The following RBM15B variants were observed in gnomAD, a reference collection of about 807,000 sequenced individuals.
RBM15B encodes the protein putative RNA-binding protein 15B.
In RBM15B, 11 loss-of-function variants were observed where a neutral mutation model predicts 53.3. That is an observed-to-expected ratio of 0.21 (90% CI 0.13 to 0.34). The LOEUF (loss-of-function observed/expected upper bound fraction) is 0.34, where lower values mean the gene tolerates loss of function less well. Ranked by LOEUF, RBM15B falls within the 10% of genes least tolerant of loss-of-function variation. The pLI is 1.00. For synonymous variants in RBM15B, 631 were observed against 540.7 expected (o/e 1.17, Z -2.32); for missense variants, 1,136 against 1,250.3 (o/e 0.91, Z 1.38).
Position 51,394,110 on chromosome 3 carries a change from A to T in RBM15B, c.*38A>T, listed in dbSNP as rs1041935875. ...TTTCCCAGCGTCATGTTTGTGTCAC[A>T]AAAGCAGTTATTTTAAAATCTGATC... On this transcript the variant is annotated 3_prime_UTR_variant, in exon 1 of 1. Coordinates refer to ENST00000563281, the MANE Select transcript of RBM15B (RefSeq NM_013286.5). The T allele has an allele frequency of 7.2e-7, 1 of 1,383,916 alleles. No homozygotes were observed. Among genetic ancestry groups the T allele is most frequent in the African/African-American group, 1.5e-5 (1 of 67,934 alleles). The allele number at this position is 1,383,916 out of a possible 1,614,324, so 85.7% of individuals were successfully genotyped here. A position where few individuals can be genotyped will look rare whatever the true frequency, so the allele number is the denominator to read the frequency against.
Position 51,393,921 on chromosome 3 carries a change from T to TG in RBM15B, c.2529dup (p.Ser844ValfsTer121), listed in dbSNP as rs781825075. The TG allele has an allele frequency of 1.9e-5, 30 of 1,539,644 alleles. No individual in the cohort carries two copies. The highest frequency in any genetic ancestry group is 1.1e-5 in the Non-Finnish European group (13 of 1,144,636). ...GCCGCAGGGGTGATCAGCTTGCCAG[T>TG]GGGGGGGTCCAAGGGCAGAGACGGC... On this transcript the variant is annotated frameshift_variant, in exon 1 of 1. Coordinates refer to ENST00000563281, the MANE Select transcript of RBM15B (RefSeq NM_013286.5). LOFTEE classifies it high-confidence loss of function. The surrounding 1 kb of genome is among the most constrained non-coding windows in gnomAD (Gnocchi z 5.6).
rs782354810 is a variant in RBM15B, at chr3:51,392,747, G to A, written c.1348G>A (p.Val450Ile). The change falls in exon 1 of 1, where the codon GTC (valine) becomes ATC (isoleucine). Residue 450 changes from valine to isoleucine, a missense_variant. Physicochemically the swap from Val to Ile is conservative, Grantham distance 29. Transcript: ENST00000563281. The surrounding 1 kb of genome is among the most constrained non-coding windows in gnomAD (Gnocchi z 7.5). ...RFGSIRTIDHVKGDSFAYIQY... is the reference protein window; with the variant it reads ...RFGSIRTIDHIKGDSFAYIQY... ...TGGGAGCATTCGGACCATTGATCAC[G>A]TCAAAGGAGATAGCTTTGCCTATAT... 1.9e-6 allele frequency: 3 copies of A among 1,614,190 alleles called. No homozygotes were observed. The highest frequency in any genetic ancestry group is 2.2e-5 in the East Asian group (1 of 44,892).
In RBM15B at chr3:51,394,092, G is replaced by A; in HGVS notation, c.*20G>A. Reference sequence around the variant, plus strand: ...GCCTAGCCCAAGCCTGTCTTTCCCAGCGTCATGTTTGTGTCACAAAAGCAG... The same window carrying A: ...GCCTAGCCCAAGCCTGTCTTTCCCAACGTCATGTTTGTGTCACAAAAGCAG... On this transcript the variant is annotated 3_prime_UTR_variant, in exon 1 of 1. Transcript: ENST00000563281. The A allele has an allele frequency of 2.1e-6, 3 of 1,401,752 alleles. No individual in the cohort carries two copies. Among genetic ancestry groups the A allele is most frequent in the Non-Finnish European group, 1.9e-6 (2 of 1,072,816 alleles). The allele number at this position is 1,401,752 out of a possible 1,614,324, so 86.8% of individuals were successfully genotyped here.
chr3:51,396,191 C>T lies in RBM15B; in HGVS notation c.*2119C>T. ...CCCGGAAGAATCATCTACCTCCCAGCTTTGTGAGACAGAACCAAGTAAAAG... is the reference window on the plus strand; with the variant it reads ...CCCGGAAGAATCATCTACCTCCCAGTTTTGTGAGACAGAACCAAGTAAAAG... On this transcript the variant is annotated 3_prime_UTR_variant, in exon 1 of 1. Coordinates refer to ENST00000563281, the MANE Select transcript of RBM15B (RefSeq NM_013286.5). The T allele has an allele frequency of 1.1e-5, 4 of 361,622 alleles. No individual in the cohort carries two copies. Among genetic ancestry groups the T allele is most frequent in the Non-Finnish European group, 2.1e-5 (4 of 193,696 alleles). The allele number at this position is 361,622 out of a possible 1,614,324, so 22.4% of individuals were successfully genotyped here.
Position 51,392,218 on chromosome 3 carries a change from C to T in RBM15B, c.819C>T (p.Pro273=), listed in dbSNP as rs2089049689. The T allele has an allele frequency of 1.3e-6, 2 of 1,555,940 alleles. No homozygotes were observed. The highest frequency in any genetic ancestry group is 1.7e-6 in the Non-Finnish European group (2 of 1,155,434). ...CGCTGTCCCCCGTCGCTGCCCCGCC[C>T]CTGCGGGAGCCCCGTGCCCGTCACG... is the stretch of plus-strand genomic sequence containing the variant. ...QRSLSPVAAP[P]LREPRARHAA... Residue 273 remains proline (P), a synonymous_variant, in exon 1 of 1, where the codon CCC becomes CCT. Transcript: ENST00000563281. This position sits in a 1 kb window ranked among gnomAD's most constrained non-coding sequence, Gnocchi z 7.5.
Position 51,392,841 on chromosome 3 carries a change from C to T in RBM15B, c.1442C>T (p.Pro481Leu). 6.2e-7 allele frequency: 1 copy of T among 1,614,066 alleles called. No individual in the cohort carries two copies. The highest frequency in any genetic ancestry group is 8.5e-7 in the Non-Finnish European group (1 of 1,180,044). Reference protein sequence around the residue: ...AKMRGFPLGGPDRRLRVDFAK... With the variant: ...AKMRGFPLGGLDRRLRVDFAK... ...ATGAGGGGTTTTCCCTTGGGTGGAC[C>T]AGACCGCAGGCTCCGCGTGGATTTT... The change falls in exon 1 of 1, where the codon CCA becomes CTA. Residue 481 changes from proline (P) to leucine (L), a missense_variant. Pro to Leu is a moderately conservative substitution (Grantham distance 98, BLOSUM62 -3). Transcript: ENST00000563281. The surrounding 1 kb of genome is among the most constrained non-coding windows in gnomAD (Gnocchi z 7.5).
rs1553621481 is a variant in RBM15B at position 51,391,374 on chromosome 3, G to A, written c.-26G>A. 5.8e-6 allele frequency: 7 copies of A among 1,206,740 alleles called. No homozygotes were observed. Among genetic ancestry groups the A allele is most frequent in the Non-Finnish European group, 3.1e-6 (3 of 973,912 alleles). 74.8% of individuals were successfully genotyped at this position (1,206,740 alleles called of 1,614,324 possible). ...CCGCCGCCGCTGTGAGAAACCTACG[G>A]GCCGCCCGCCCGCCGCGCCAGCGCC... On this transcript the variant is annotated 5_prime_UTR_variant, in exon 1 of 1. Coordinates refer to ENST00000563281, the MANE Select transcript of RBM15B (RefSeq NM_013286.5). The surrounding 1 kb of genome is among the most constrained non-coding windows in gnomAD (Gnocchi z 4.5).
In RBM15B at chr3:51,393,506, C is replaced by T; in HGVS notation, c.2107C>T (p.His703Tyr). ...AEPKPLEEPK[H>Y]ETKKLKNLSE... ...GCCCAAGCCTCTGGAAGAGCCAAAA[C>T]ACGAGACCAAAAAGCTGAAGAATCT... Residue 703 changes from histidine to tyrosine, a missense_variant, in exon 1 of 1, where the codon CAC (histidine) becomes TAC (tyrosine). His to Tyr is a moderately conservative substitution (Grantham distance 83). This residue lies in a region of RBM15B where 578 missense variants were observed against 581.6 expected (regional missense o/e 0.99). Transcript: ENST00000563281. The surrounding 1 kb of genome is among the most constrained non-coding windows in gnomAD (Gnocchi z 5.6). 2 of 1,614,132 alleles carry T rather than the reference C, an allele frequency of 1.2e-6. No individual in the cohort carries two copies. The highest frequency in any genetic ancestry group is 1.7e-6 in the Non-Finnish European group (2 of 1,180,024).
In RBM15B at chr3:51,391,353, C is replaced by CGCCGCT. The variant is rs1260475255; in HGVS notation, c.-45_-40dup. ...CCTCCTCGGCCGCCGCCTCCGCCGC[C>CGCCGCT]GCCGCTGTGAGAAACCTACGGGCCG... is the stretch of plus-strand genomic sequence containing the variant. On this transcript the variant is annotated 5_prime_UTR_variant, in exon 1 of 1. Transcript: ENST00000563281. The surrounding 1 kb of genome is among the most constrained non-coding windows in gnomAD (Gnocchi z 4.5). 3 of 1,190,398 alleles carry CGCCGCT rather than the reference C, an allele frequency of 2.5e-6. No homozygotes were observed. Among genetic ancestry groups the CGCCGCT allele is most frequent in the East Asian group, 3.7e-5 (1 of 26,902 alleles). The allele number at this position is 1,190,398 out of a possible 1,614,324, so 73.7% of individuals were successfully genotyped here. A position where few individuals can be genotyped will look rare whatever the true frequency, so the allele number is the denominator to read the frequency against.
Position 51,395,803 on chromosome 3 carries a change from G to A in RBM15B, c.*1731G>A, listed in dbSNP as rs1049326336. On this transcript the variant is annotated 3_prime_UTR_variant, in exon 1 of 1. Coordinates refer to ENST00000563281, the MANE Select transcript of RBM15B (RefSeq NM_013286.5). ...GCAGTGCTCTCGTAGACCCCTCGGT[G>A]ATGTGGAATGGACAGGTGCCTCGCA... 3 of 413,416 alleles carry A rather than the reference G, an allele frequency of 7.3e-6. No individual in the cohort carries two copies. The highest frequency in any genetic ancestry group is 1.3e-5 in the Non-Finnish European group (3 of 226,166). The allele number at this position is 413,416 out of a possible 1,614,324, so 25.6% of individuals were successfully genotyped here. A position where few individuals can be genotyped will look rare whatever the true frequency, so the allele number is the denominator to read the frequency against.
chr3:51,394,233 C>A lies in RBM15B; in HGVS notation c.*161C>A. 1 of 1,058,436 alleles carries A rather than the reference C, an allele frequency of 9.4e-7. No homozygotes were observed. The highest frequency in any genetic ancestry group is 1.2e-6 in the Non-Finnish European group (1 of 816,632). 65.6% of individuals were successfully genotyped at this position (1,058,436 alleles called of 1,614,324 possible). On this transcript the variant is annotated 3_prime_UTR_variant, in exon 1 of 1. Transcript: ENST00000563281. The stretch of plus-strand genomic sequence containing the variant: ...TCCTGTCCACCACCAAAACTAAGTT[C>A]TTAGATTTTGGGGGATTTTTTTTTT...
chr3:51,396,027 T>C lies in RBM15B; in HGVS notation c.*1955T>C, dbSNP rs1349603652. Reference sequence around the variant, plus strand: ...GAAACAGGAGTGGGTCTTGTCCTGTTGCAGGCACACTGCAGTGGTTTTCCT... The same window carrying C: ...GAAACAGGAGTGGGTCTTGTCCTGTCGCAGGCACACTGCAGTGGTTTTCCT... On this transcript the variant is annotated 3_prime_UTR_variant, in exon 1 of 1. Coordinates refer to ENST00000563281, the MANE Select transcript of RBM15B (RefSeq NM_013286.5). 4.1e-5 allele frequency: 17 copies of C among 412,382 alleles called. No homozygotes were observed. The highest frequency in any genetic ancestry group is 7.1e-5 in the Non-Finnish European group (16 of 225,864). 25.5% of individuals were successfully genotyped at this position (412,382 alleles called of 1,614,324 possible).
chr3:51,393,933 A>AGGGGGGGTCCAG lies in RBM15B; in HGVS notation c.2537_2538insGGGGTCCAGGGG (p.Gly846_Arg847insGlySerArgGly), dbSNP rs1553622108. ...ATCAGCTTGCCAGTGGGGGGGTCCA[A>AGGGGGGGTCCAG]GGGCAGAGACGGCACAGGCATGCTC... On this transcript the variant is annotated inframe_insertion, in exon 1 of 1. Coordinates refer to ENST00000563281, the MANE Select transcript of RBM15B (RefSeq NM_013286.5). The surrounding 1 kb of genome is among the most constrained non-coding windows in gnomAD (Gnocchi z 5.6). 1 of 1,540,096 alleles carries AGGGGGGGTCCAG rather than the reference A, an allele frequency of 6.5e-7. No individual in the cohort carries two copies. Among genetic ancestry groups the AGGGGGGGTCCAG allele is most frequent in the East Asian group, 2.3e-5 (1 of 44,278 alleles).
Position 51,393,767 on chromosome 3 carries a change from G to C in RBM15B, c.2368G>C (p.Gly790Arg). The change falls in exon 1 of 1, where the codon GGC becomes CGC. Residue 790 changes from glycine to arginine, a missense_variant. Transcript: ENST00000563281. The surrounding 1 kb of genome is among the most constrained non-coding windows in gnomAD (Gnocchi z 5.6). ...TRRIKQGSPNGYAVLLATQAT... is the reference protein window; with the variant it reads ...TRRIKQGSPNRYAVLLATQAT... ...ACGCATCAAGCAGGGGAGCCCCAAC[G>C]GCTATGCGGTCCTCTTAGCCACCCA... 5 of 1,613,854 alleles carry C rather than the reference G, an allele frequency of 3.1e-6. No individual in the cohort carries two copies. Among genetic ancestry groups the C allele is most frequent in the Non-Finnish European group, 4.2e-6 (5 of 1,180,030 alleles).
Position 51,393,816 on chromosome 3 carries a change from C to T in RBM15B, c.2417C>T (p.Thr806Ile). ...ATQATPSGLG[T>I]EGMPTVEPGL... Reference sequence around the variant, plus strand: ...CAGGCAACCCCCAGTGGGCTTGGCACTGAGGGGATGCCCACAGTAGAGCCC... The same window carrying T: ...CAGGCAACCCCCAGTGGGCTTGGCATTGAGGGGATGCCCACAGTAGAGCCC... The change falls in exon 1 of 1, where the codon ACT becomes ATT. Residue 806 changes from threonine to isoleucine, a missense_variant. This residue lies in a region of RBM15B where 578 missense variants were observed against 581.6 expected (regional missense o/e 0.99). Transcript: ENST00000563281. This position sits in a 1 kb window ranked among gnomAD's most constrained non-coding sequence, Gnocchi z 5.6. 1 of 1,612,826 alleles carries T rather than the reference C, an allele frequency of 6.2e-7. No individual in the cohort carries two copies. Among genetic ancestry groups the T allele is most frequent in the Non-Finnish European group, 8.5e-7 (1 of 1,179,622 alleles).
At position 51,395,792 on chromosome 3, in the gene RBM15B, G is replaced by T; in HGVS notation, c.*1720G>T. On this transcript the variant is annotated 3_prime_UTR_variant, in exon 1 of 1. Transcript: ENST00000563281. The stretch of plus-strand genomic sequence containing the variant: ...AGGAACACTTGGCAGTGCTCTCGTA[G>T]ACCCCTCGGTGATGTGGAATGGACA... 2.4e-6 allele frequency: 1 copy of T among 413,570 alleles called. No homozygotes were observed. The highest frequency in any genetic ancestry group is 1.3e-4 in the South Asian group (1 of 7,862). The allele number at this position is 413,570 out of a possible 1,614,324, so 25.6% of individuals were successfully genotyped here. A position where few individuals can be genotyped will look rare whatever the true frequency, so the allele number is the denominator to read the frequency against.
At position 51,396,588 on chromosome 3, in the gene RBM15B, C is replaced by A. The variant is rs1417896942; in HGVS notation, c.*2516C>A. Reference sequence around the variant, plus strand: ...CTTAAAGACAAAAAGGCAACATGTGCCTCACTGGTGGTGTGCCACTGTTCT... The same window carrying A: ...CTTAAAGACAAAAAGGCAACATGTGACTCACTGGTGGTGTGCCACTGTTCT... On this transcript the variant is annotated 3_prime_UTR_variant, in exon 1 of 1. Transcript: ENST00000563281. 5 of 167,138 alleles carry A rather than the reference C, an allele frequency of 3.0e-5. No individual in the cohort carries two copies. The highest frequency in any genetic ancestry group is 1.3e-4 in the Admixed American group (2 of 15,288). 10.4% of individuals were successfully genotyped at this position (167,138 alleles called of 1,614,324 possible).
In RBM15B at chr3:51,393,355, C is replaced by G; in HGVS notation, c.1956C>G (p.Ser652=). 1 of 1,612,962 alleles carries G rather than the reference C, an allele frequency of 6.2e-7. No individual in the cohort carries two copies. The highest frequency in any genetic ancestry group is 1.7e-5 in the Admixed American group (1 of 59,908). The change falls in exon 1 of 1, where the codon TCC becomes TCG. Residue 652 remains serine (S), a synonymous_variant. Transcript: ENST00000563281. The surrounding 1 kb of genome is among the most constrained non-coding windows in gnomAD (Gnocchi z 5.6). The part of the protein sequence containing the change: ...SEGTKESSSN[S]LSNSRHGAEE... ...GGACCAAGGAGTCCAGCAGCAACTC[C>G]CTCAGCAACAGCAGACATGGGGCTG...
chr3:51,391,618 C>T lies in RBM15B; in HGVS notation c.219C>T (p.Thr73=). ...GGGGHRDGRG[T]GDANHRASSG... is the part of the protein sequence containing the mutation. ...GCGGGCATCGCGACGGCCGCGGCAC[C>T]GGGGACGCGAATCACCGCGCGAGTA... Residue 73 remains threonine, a synonymous_variant, in exon 1 of 1, where the codon ACC becomes ACT. Transcript: ENST00000563281. This position sits in a 1 kb window ranked among gnomAD's most constrained non-coding sequence, Gnocchi z 4.5. 2 of 1,184,602 alleles carry T rather than the reference C, an allele frequency of 1.7e-6. No individual in the cohort carries two copies. The highest frequency in any genetic ancestry group is 3.7e-5 in the East Asian group (1 of 27,040). 73.4% of individuals were successfully genotyped at this position (1,184,602 alleles called of 1,614,324 possible).
Sources: allele counts gnomAD v4.1 joint callset, GRCh38; gene constraint gnomAD v4.1.1; regional missense constraint gnomAD v4.1.1; non-coding constraint Gnocchi (gnomAD v3.1); transcripts MANE v1.5; gene names NCBI Gene and HGNC (gene_info 2026-07-23, HGNC 2026-07-21).